Variants in SLC17A9 observed in about 807,000 individuals in gnomAD.
SLC17A9 encodes solute carrier family 17 member 9, also known as voltage-gated purine nucleotide uniporter SLC17A9.
A neutral mutation model predicts 55.0 loss-of-function variants in SLC17A9; 49 were observed. The ratio of observed to expected loss-of-function variants is 0.89; its 90% CI spans 0.71 to 1.13. The LOEUF (loss-of-function observed/expected upper bound fraction) is 1.13, where lower values mean the gene tolerates loss of function less well. Among genes scored for constraint, SLC17A9 ranks in the 50% most tolerant of loss-of-function variants. SLC17A9 has a pLI of 0.00. For synonymous variants in SLC17A9, 256 were observed against 247.4 expected (o/e 1.03, Z -0.32); for missense variants, 526 against 569.3 (o/e 0.92, Z 0.77).
intron 1 of SLC17A9, among the ~76,000 whole-genome samples, chr20:62,955,132 T>G (rs1452480152): frequency 6.6e-6 from 1 of 152,014 alleles, no homozygotes; most frequent in African/African-American, 2.4e-5. Flanking sequence ...AATTGTTGTT[T>G]TTTTTTCTTT....
chr20:62,961,428 C>T (rs1204932813), intron 4 of SLC17A9, among the ~76,000 whole-genome samples: 1 of 152,184 alleles, frequency 6.6e-6, no homozygotes, highest in African/African-American at 2.4e-5. Flanking sequence ...AGTCCTCCCT[C>T]CCTGCGCCCG....
In SLC17A9 at chr20:62,962,896, G is replaced by C; in HGVS notation, c.628+142G>C. 8.1e-7 allele frequency: 1 copy of C among 1,233,750 alleles called. No individual in the cohort carries two copies. 76.4% of individuals were successfully genotyped at this position (1,233,750 alleles called of 1,614,324 possible). On this transcript the variant is annotated intron_variant, in intron 5 of 12. Coordinates refer to ENST00000370351, the MANE Select transcript of SLC17A9 (RefSeq NM_022082.4). The surrounding 1 kb of genome is among the most constrained non-coding windows in gnomAD (Gnocchi z 5.5). ...CCAAAGAATCCGCCAGTGAGGAAAA[G>C]CGCTCGGGTGCTGAGCTGTCAGCGG...
Position 62,959,639 on chromosome 20 carries a change from G to C in SLC17A9, c.398-865G>C, listed in dbSNP as rs149747781. Reference sequence around the variant, plus strand: ...CGCCAGGCGGCCCCCAGCCTCCCTCGAGGGAGCGAGGGAACGGGCCCTGCC... The same window carrying C: ...CGCCAGGCGGCCCCCAGCCTCCCTCCAGGGAGCGAGGGAACGGGCCCTGCC... On this transcript the variant is annotated intron_variant, in intron 3 of 12. Coordinates refer to ENST00000370351, the MANE Select transcript of SLC17A9 (RefSeq NM_022082.4). Among the ~76,000 whole-genome samples, 536 of 152,350 alleles carry C rather than the reference G, an allele frequency of 3.5e-3. 5 individuals carry two copies. The highest frequency in any genetic ancestry group is 0.012 in the African/African-American group (499 of 41,590).
chr20:62,960,694 T>C (rs2065582111), intron 4 of SLC17A9, 91 bp downstream of exon 4: 2 of 1,281,340 alleles, frequency 1.6e-6, no homozygotes, highest in East Asian at 5.0e-5. Context: ...ATGGGCCACA[T>C]GGGCTTGCAG....
At chr20:62,953,938 C>G (rs1350336780) in intron 1 of SLC17A9, among the ~76,000 whole-genome samples, 1 of 152,236 alleles carries the variant, frequency 6.6e-6, no homozygotes, top group Admixed American at 6.5e-5. Context: ...TTCCTCTTCC[C>G]CCACCCACGT....
intron 7 of SLC17A9, 90 bp downstream of exon 7, chr20:62,963,770 T>A (rs2065610764): frequency 1.6e-6 from 2 of 1,227,150 alleles, no homozygotes; most frequent in Non-Finnish European, 2.3e-6. Flanking sequence ...GGCCTGCAGA[T>A]GGTGGAACCC....
chr20:62,965,522 C>T (rs73918895), intron 9 of SLC17A9, 88 bp from the exon 10 acceptor site: 4 of 1,271,886 alleles, frequency 3.1e-6, no homozygotes, highest in Non-Finnish European at 3.4e-6. Context: ...GCGGTGCGCC[C>T]AGGGGGGCTT....
chr20:62,960,743 G>A, intron 4 of SLC17A9, 140 bp downstream of exon 4: 3 of 751,762 alleles, frequency 4.0e-6, no homozygotes, highest in Non-Finnish European at 6.5e-6. Flanking sequence ...GCGCCTTTTG[G>A]GCTCTGTAGC....
rs555519069 is a variant in SLC17A9 at position 62,953,134 on chromosome 20, G to A, written c.59+245G>A. 66 of 1,504,906 alleles carry A rather than the reference G, an allele frequency of 4.4e-5. 1 individual carries two copies. The highest frequency in any genetic ancestry group is 3.8e-4 in the Admixed American group (19 of 50,610). The allele number at this position is 1,504,906 out of a possible 1,614,324, so 93.2% of individuals were successfully genotyped here. ...TGCCCTATCCCAGCCAGTGTTCCTG[G>A]GGCTCTTCCAGGCAGGGCTATGTTC... On this transcript the variant is annotated intron_variant, in intron 1 of 12. Transcript: ENST00000370351.
chr20:62,963,058 G>A (rs1054919665), intron 5 of SLC17A9: 11 of 638,700 alleles, frequency 1.7e-5, no homozygotes, highest in African/African-American at 3.7e-5. Context: ...GGAGGAGGCC[G>A]TGTGGAGGGT....
intron 12 of SLC17A9, 194 bp from the exon 13 acceptor site, chr20:62,967,143 C>T (rs2065648063): frequency 3.1e-6 from 2 of 649,470 alleles, no homozygotes; most frequent in Admixed American, 2.9e-5. Context: ...TGTGAGATCT[C>T]TGCCCCTCCA....
chr20:62,960,522 T>G lies in SLC17A9; in HGVS notation c.416T>G (p.Leu139Arg), dbSNP rs759510313. 2 of 1,613,494 alleles carry G rather than the reference T, an allele frequency of 1.2e-6. No homozygotes were observed. Among genetic ancestry groups the G allele is most frequent in the South Asian group, 2.2e-5 (2 of 90,990 alleles). Residue 139 changes from leucine to arginine, a missense_variant, in exon 4 of 13, where the codon CTG becomes CGG. By Grantham distance (102) the Leu-to-Arg change is moderately radical. Transcript: ENST00000370351. ...GLLQGVYFPALTSLLSQKVRE... is the reference protein window; with the variant it reads ...GLLQGVYFPARTSLLSQKVRE... ...GTTGCAGGGGTTTACTTCCCTGCCC[T>G]GACCAGCCTGCTGTCGCAGAAGGTG...
At chr20:62,956,631 C>G (rs1251437589) in intron 1 of SLC17A9, 134 bp from the exon 2 acceptor site, 8 of 785,254 alleles carry the variant, frequency 1.0e-5, no homozygotes, top group East Asian at 8.1e-5. Context: ...GAATGCTTGC[C>G]AAGTTGCCCT....
chr20:62,967,022 G>A (rs891041331), intron 12 of SLC17A9: 3 of 574,990 alleles, frequency 5.2e-6, no homozygotes, highest in Admixed American at 3.3e-5. Context: ...TGAGTGCCAT[G>A]GATGATGGGG....
intron 1 of SLC17A9, among the ~76,000 whole-genome samples, chr20:62,953,504 A>G (rs1176907439): frequency 6.6e-6 from 1 of 152,192 alleles, no homozygotes; most frequent in East Asian, 1.9e-4. Flanking sequence ...ACCGCGGGCC[A>G]TTGGTCAGCT....
At chr20:62,953,183 G>C in intron 1 of SLC17A9, 1 of 1,550,110 alleles carries the variant, frequency 6.5e-7, no homozygotes, top group Non-Finnish European at 8.7e-7. Context: ...CATTGTCCTG[G>C]ACAGTCAGGA....
At chr20:62,955,631 G>C (rs1362551215) in intron 1 of SLC17A9, among the ~76,000 whole-genome samples, 2 of 152,186 alleles carry the variant, frequency 1.3e-5, no homozygotes, top group Admixed American at 1.3e-4. Context: ...CTTTTTAAAG[G>C]CACCTTTGGA....
chr20:62,964,189 C>G (rs62200670), intron 7 of SLC17A9, 39 bp from the exon 8 acceptor site: 53,213 of 1,598,178 alleles, frequency 0.033, 1,013 homozygotes, highest in African/African-American at 0.057. Context: ...GGCCAGATGC[C>G]GGCCCTGGCC....
At chr20:62,963,391 C>T (rs770357755) in intron 6 of SLC17A9, 22 bp downstream of exon 6, 40 of 1,610,268 alleles carry the variant, frequency 2.5e-5, no homozygotes, top group East Asian at 4.5e-5. Flanking sequence ...CCTGTGCCAC[C>T]CCTTGGAGCA....
Sources: allele counts gnomAD v4.1 joint callset (sites outside exome capture counted in the v4.1 genomes callset), GRCh38; gene constraint gnomAD v4.1.1; non-coding constraint Gnocchi (gnomAD v3.1); transcripts MANE v1.5; gene names NCBI Gene and HGNC (gene_info 2026-07-23, HGNC 2026-07-21).